CCDC93: variants seen among roughly 807,000 people sequenced by gnomAD.
CCDC93 encodes coiled-coil domain-containing protein 93.
CCDC93 carries 61 observed loss-of-function variants against 108.2 expected under a neutral mutation model. The observed-to-expected ratio is 0.56, with a 90% confidence interval of 0.46 to 0.70. The LOEUF is 0.70. Among genes scored for constraint, CCDC93 ranks in the 30% least tolerant of loss-of-function variants. The probability of loss-of-function intolerance (pLI) is 0.00; values close to 1 mark genes in which losing one functional copy is unlikely to be tolerated. For missense variants in CCDC93, 685 were observed against 764.2 expected (o/e 0.90, Z 1.22); for synonymous variants, 276 against 260.4 (o/e 1.06, Z -0.58).
intron 1 of CCDC93, among the ~76,000 whole-genome samples, chr2:118,009,158 G>C (rs929592392): frequency 4.6e-5 from 7 of 151,970 alleles, no homozygotes; most frequent in African/African-American, 1.7e-4. Flanking sequence ...ATCACTTGAG[G>C]TCAGGAGTTC....
At chr2:118,003,275 G>T (rs1004791289) in intron 3 of CCDC93, among the ~76,000 whole-genome samples, 1 of 152,174 alleles carries the variant, frequency 6.6e-6, no homozygotes, top group African/African-American at 2.4e-5. Flanking sequence ...CATATCTAAG[G>T]TTCTCTGTTA....
At chr2:117,967,780 C>T (rs1020379378) in intron 11 of CCDC93, among the ~76,000 whole-genome samples, 5 of 152,170 alleles carry the variant, frequency 3.3e-5, no homozygotes, top group African/African-American at 1.2e-4. Flanking sequence ...ACTGGTGGGC[C>T]CTTAGCGAGA....
At position 118,007,805 on chromosome 2, in the gene CCDC93, T is replaced by A. The variant is rs555249662; in HGVS notation, c.156+740A>T. ...GCTAACCAAAATTTCAATGAGTGAA[T>A]CCTGGGTTCTGTATTATAAAATAAC... On this transcript the variant is annotated intron_variant, in intron 2 of 23. Coordinates refer to ENST00000376300, the MANE Select transcript of CCDC93 (RefSeq NM_019044.5). Among the ~76,000 whole-genome samples, 6 of 152,334 alleles carry A rather than the reference T, an allele frequency of 3.9e-5. No individual in the cohort carries two copies. In the East Asian group the frequency reaches 9.6e-4, roughly 24 times the overall value.
At chr2:117,931,838 G>A (rs151317620) in intron 22 of CCDC93, among the ~76,000 whole-genome samples, 2 of 152,176 alleles carry the variant, frequency 1.3e-5, no homozygotes, top group African/African-American at 4.8e-5. Context: ...TTGATTTAAA[G>A]AGACTTTTCT....
At chr2:117,974,960 A>G in intron 9 of CCDC93, 60 bp from the exon 10 acceptor site, 1 of 1,357,920 alleles carries the variant, frequency 7.4e-7, no homozygotes, top group East Asian at 2.5e-5. Context: ...GACAGAAGCA[A>G]TATGCCTACA....
At position 117,978,025 on chromosome 2, in the gene CCDC93, T is replaced by C. The variant is rs1381401803; in HGVS notation, c.626A>G (p.Tyr209Cys). The change falls in exon 8 of 24, where the codon TAT (tyrosine) becomes TGT (cysteine). Residue 209 changes from tyrosine to cysteine, a missense_variant. By Grantham distance (194) the Tyr-to-Cys change is radical. Coordinates refer to ENST00000376300, the MANE Select transcript of CCDC93 (RefSeq NM_019044.5). ...HATLLEYGRR[Y>C]GFSRQSKMEK... is the part of the protein sequence containing the mutation. ...CATTTTGCTCTGGCGGCTAAATCCA[T>C]ATCTCCTGCAGGCCACAAAAAAGGA... is the stretch of plus-strand genomic sequence containing the variant. 2 of 1,613,704 alleles carry C rather than the reference T, an allele frequency of 1.2e-6. No homozygotes were observed. Among genetic ancestry groups the C allele is most frequent in the Non-Finnish European group, 1.7e-6 (2 of 1,179,692 alleles).
chr2:117,985,146 CA>C (rs11299175), intron 7 of CCDC93, among the ~76,000 whole-genome samples: 52,888 of 140,958 alleles, frequency 0.38, 9,858 homozygotes, highest in Middle Eastern at 0.5. Flanking sequence ...CAAAACAAAA[CA>C]AAAAAAAAAA....
intron 11 of CCDC93, among the ~76,000 whole-genome samples, chr2:117,968,451 A>T (rs1679658482): frequency 6.6e-6 from 1 of 152,196 alleles, no homozygotes; most frequent in South Asian, 2.1e-4. Flanking sequence ...TACCCTTTGG[A>T]AACAATGGCA....
intron 7 of CCDC93, among the ~76,000 whole-genome samples, chr2:117,979,941 G>C (rs756245495): frequency 1.3e-5 from 2 of 152,218 alleles, no homozygotes; most frequent in Non-Finnish European, 2.9e-5. Context: ...GTTAAAGGAG[G>C]AAAGAGGGAA....
intron 14 of CCDC93, among the ~76,000 whole-genome samples, chr2:117,948,958 A>G (rs943646221): frequency 2.0e-5 from 3 of 152,228 alleles, no homozygotes; most frequent in African/African-American, 7.2e-5. Context: ...AACTTGTAAC[A>G]ATAGTGAACT....
chr2:117,971,484 G>C (rs1573500672), intron 11 of CCDC93, among the ~76,000 whole-genome samples: 1 of 152,128 alleles, frequency 6.6e-6, no homozygotes, highest in African/African-American at 2.4e-5. Flanking sequence ...AAAGAATGAA[G>C]ACTACAGTAA....
intron 1 of CCDC93, 58 bp downstream of exon 1, chr2:118,013,896 C>CG (rs1427571195): frequency 5.5e-6 from 8 of 1,451,316 alleles, no homozygotes; most frequent in Non-Finnish European, 7.4e-6. Context: ...CGCCGCCCCG[C>CG]GGCTCGGCCC....
chr2:117,961,404 T>A (rs1679386598), intron 11 of CCDC93, among the ~76,000 whole-genome samples: 2 of 152,216 alleles, frequency 1.3e-5, no homozygotes, highest in South Asian at 4.1e-4. Flanking sequence ...CGCACAGTAC[T>A]TATAAACTTG....
intron 7 of CCDC93, among the ~76,000 whole-genome samples, chr2:117,982,483 C>T (rs1306840341): frequency 1.3e-5 from 2 of 152,132 alleles, no homozygotes; most frequent in Admixed American, 1.3e-4. Context: ...TTAAGGCCTT[C>T]AGCATAGTTG....
intron 23 of CCDC93, among the ~76,000 whole-genome samples, chr2:117,920,641 C>T (rs1677829829): frequency 1.3e-5 from 2 of 152,198 alleles, no homozygotes; most frequent in South Asian, 2.1e-4. Context: ...AGGATAGGCA[C>T]TGTCATTCCA....
intron 13 of CCDC93, chr2:117,951,178 C>T (rs1319116363): frequency 1.0e-6 from 1 of 985,072 alleles, no homozygotes; most frequent in African/African-American, 1.8e-5. Context: ...AAGACAGATC[C>T]ACGAATTGGC....
At chr2:117,987,844 T>C (rs532678864) in intron 6 of CCDC93, among the ~76,000 whole-genome samples, 2 of 152,308 alleles carry the variant, frequency 1.3e-5, no homozygotes, top group African/African-American at 4.8e-5. Context: ...GTAATAGTTA[T>C]CACTTATTGA....
At chr2:117,995,808 T>C (rs76467137) in intron 5 of CCDC93, 20,208 of 249,694 alleles carry the variant, frequency 0.081, 1,036 homozygotes, top group East Asian at 0.18. Context: ...ACTTAACCTC[T>C]AAGCCTCAGT....
chr2:117,973,878 G>C (rs546468110), intron 11 of CCDC93, 30 bp downstream of exon 11: 2 of 1,537,644 alleles, frequency 1.3e-6, no homozygotes, highest in South Asian at 2.3e-5. Context: ...CATTATCTGG[G>C]GCACAGACTC....
Sources: allele counts gnomAD v4.1 joint callset (sites outside exome capture counted in the v4.1 genomes callset), GRCh38; gene constraint gnomAD v4.1.1; transcripts MANE v1.5; gene names NCBI Gene and HGNC (gene_info 2026-07-23, HGNC 2026-07-21).